The following CHST12 variants were observed in gnomAD, a reference collection of about 807,000 sequenced individuals.
CHST12 encodes carbohydrate (chondroitin 4) sulfotransferase 12.
In CHST12, 23 loss-of-function variants were observed where a neutral mutation model predicts 27.9. That is an observed-to-expected ratio of 0.82 (90% CI 0.59 to 1.17). CHST12 has a LOEUF of 1.17. CHST12 is among the 50% of genes most tolerant of loss of function. The probability of loss-of-function intolerance (pLI) is 0.00; values close to 1 mark genes in which losing one functional copy is unlikely to be tolerated. For missense variants in CHST12, 682 were observed against 603.0 expected, an observed-to-expected ratio of 1.13 and a Z score of -1.37; for synonymous variants, 322 against 273.0, an observed-to-expected ratio of 1.18 and a Z score of -1.77.
chr7:2,434,247 TGAA>T lies in CHST12; in HGVS notation c.*365_*367del, dbSNP rs1452660867. The T allele has an allele frequency of 2.6e-5, 5 of 190,860 alleles. No homozygotes were observed. Among genetic ancestry groups the T allele is most frequent in the African/African-American group, 1.2e-4 (5 of 42,130 alleles). 11.8% of individuals were successfully genotyped at this position (190,860 alleles called of 1,614,324 possible). ...ACCGGAGGAGGGCGGGGCCTGCACT[TGAA>T]GTCAGGCCGCACCTGTCTGTTTTTG... is the stretch of plus-strand genomic sequence containing the variant. On this transcript the variant is annotated 3_prime_UTR_variant, in exon 2 of 2. Coordinates refer to ENST00000618655, the MANE Select transcript of CHST12 (RefSeq NM_018641.5).
In CHST12 at chr7:2,437,515, G is replaced by C. The variant is rs957492476; in HGVS notation, c.*3631G>C. 1 of 152,196 alleles carries C rather than the reference G, an allele frequency of 6.6e-6. No homozygotes were observed. Among genetic ancestry groups the C allele is most frequent in the African/African-American group, 2.4e-5 (1 of 41,432 alleles). The allele number at this position is 152,196 out of a possible 1,614,324, so 9.4% of individuals were successfully genotyped here. A position where few individuals can be genotyped will look rare whatever the true frequency, so the allele number is the denominator to read the frequency against. The stretch of plus-strand genomic sequence containing the variant: ...TACAACCCCCAGTGGATATTTAGTG[G>C]AGTTTGCTGTAGTGCTTTTGCCATT... On this transcript the variant is annotated 3_prime_UTR_variant, in exon 2 of 2. Coordinates refer to ENST00000618655, the MANE Select transcript of CHST12 (RefSeq NM_018641.5).
rs199654852 is a variant in CHST12, at chr7:2,434,104, GCCCGCCCA to G, written c.*228_*235del. 5,226 of 393,606 alleles carry G rather than the reference GCCCGCCCA, an allele frequency of 0.013. 184 individuals are homozygous for G. The highest frequency in any genetic ancestry group is 0.088 in the African/African-American group (3,954 of 45,126). The allele number at this position is 393,606 out of a possible 1,614,324, so 24.4% of individuals were successfully genotyped here. A position where few individuals can be genotyped will look rare whatever the true frequency, so the allele number is the denominator to read the frequency against. On this transcript the variant is annotated 3_prime_UTR_variant, in exon 2 of 2. Transcript: ENST00000618655. ...GAGTAAAATATCCCCTCTCCCCTCC[GCCCGCCCA>G]CCCGCCCGCCCGCTCGCCCGCTCGC...
At chr7:2,417,609 C>T (rs1259925434) in intron 1 of CHST12, among the ~76,000 whole-genome samples, 7 of 152,072 alleles carry the variant, frequency 4.6e-5, no homozygotes, top group African/African-American at 9.7e-5. Context: ...AGGCTAGTCT[C>T]GAACTCCTGA....
In CHST12 at chr7:2,432,942, G is replaced by C. The variant is rs750173383; in HGVS notation, c.303G>C (p.Val101=). Residue 101 remains valine (V), a synonymous_variant, in exon 2 of 2, where the codon GTG becomes GTC. Transcript: ENST00000618655. ...CGCCGGGGAGCATGGAGGAGAGCGT[G>C]AGAGGCTACGACTGGTCCCCGCGCG... ...PPAPGSMEES[V]RGYDWSPRDA... is the part of the protein sequence containing the mutation. 1 of 1,612,208 alleles carries C rather than the reference G, an allele frequency of 6.2e-7. No individual in the cohort carries two copies. Among genetic ancestry groups the C allele is most frequent in the African/African-American group, 1.3e-5 (1 of 75,032 alleles).
Position 2,440,736 on chromosome 7 carries a change from G to A in CHST12, c.*6852G>A, listed in dbSNP as rs1032498323. On this transcript the variant is annotated 3_prime_UTR_variant, in exon 2 of 2. Coordinates refer to ENST00000618655, the MANE Select transcript of CHST12 (RefSeq NM_018641.5). Reference sequence around the variant, plus strand: ...AGAAACTGCCAAGAAGAATGCCGCCGCTCAGGTTTATCTGGTAGAATAAGC... The same window carrying A: ...AGAAACTGCCAAGAAGAATGCCGCCACTCAGGTTTATCTGGTAGAATAAGC... 5 of 152,146 alleles carry A rather than the reference G, an allele frequency of 3.3e-5. No homozygotes were observed. The East Asian group carries it at 5.8e-4, about 18-fold the overall frequency. The allele number at this position is 152,146 out of a possible 1,614,324, so 9.4% of individuals were successfully genotyped here.
Position 2,434,061 on chromosome 7 carries a change from A to C in CHST12, c.*177A>C. On this transcript the variant is annotated 3_prime_UTR_variant, in exon 2 of 2. Coordinates refer to ENST00000618655, the MANE Select transcript of CHST12 (RefSeq NM_018641.5). ...ATATATTTCAGGTATTTAATACGAA[A>C]TGTGGAAGGGAATGCTGGAGTAAAA... The C allele has an allele frequency of 1.2e-5, 6 of 508,618 alleles. No individual in the cohort carries two copies. Among genetic ancestry groups the C allele is most frequent in the Middle Eastern group, 5.6e-4 (1 of 1,782 alleles). The allele number at this position is 508,618 out of a possible 1,614,324, so 31.5% of individuals were successfully genotyped here. A position where few individuals can be genotyped will look rare whatever the true frequency, so the allele number is the denominator to read the frequency against.
chr7:2,406,050 T>TCA, intron 1 of CHST12, among the ~76,000 whole-genome samples: 1 of 152,186 alleles, frequency 6.6e-6, no homozygotes, highest in East Asian at 1.9e-4. Flanking sequence ...GAAGGAGCCA[T>TCA]CAGTGGGAAA....
rs930913863 is a variant in CHST12, at chr7:2,435,319, C to G, written c.*1435C>G. 1.3e-5 allele frequency: 2 copies of G among 152,184 alleles called. No individual in the cohort carries two copies. The highest frequency in any genetic ancestry group is 2.9e-5 in the Non-Finnish European group (2 of 68,094). 9.4% of individuals were successfully genotyped at this position (152,184 alleles called of 1,614,324 possible). A position where few individuals can be genotyped will look rare whatever the true frequency, so the allele number is the denominator to read the frequency against. Reference sequence around the variant, plus strand: ...AGGAGTGGAGTGGTTTGGCGTTTATCTCTAGACCGTGCTGGATGACAGTAC... The same window carrying G: ...AGGAGTGGAGTGGTTTGGCGTTTATGTCTAGACCGTGCTGGATGACAGTAC... On this transcript the variant is annotated 3_prime_UTR_variant, in exon 2 of 2. Transcript: ENST00000618655.
chr7:2,432,457 C>G, intron 1 of CHST12, 106 bp from the exon 2 acceptor site: 1 of 682,622 alleles, frequency 1.5e-6, no homozygotes, highest in Non-Finnish European at 2.4e-6. Context: ...TATCACGTGG[C>G]CCAGCGCTCC....
chr7:2,441,378 C>T lies in CHST12; in HGVS notation c.*7494C>T, dbSNP rs956453837. 6.6e-6 allele frequency: 1 copy of T among 152,130 alleles called. No homozygotes were observed. Among genetic ancestry groups the T allele is most frequent in the East Asian group, 1.9e-4 (1 of 5,198 alleles). 9.4% of individuals were successfully genotyped at this position (152,130 alleles called of 1,614,324 possible). On this transcript the variant is annotated 3_prime_UTR_variant, in exon 2 of 2. Coordinates refer to ENST00000618655, the MANE Select transcript of CHST12 (RefSeq NM_018641.5). Reference sequence around the variant, plus strand: ...GGAATAGGAACCTTAAAAATGCTTTCTTCACTCGTTTAAATAGTAATGATA... The same window carrying T: ...GGAATAGGAACCTTAAAAATGCTTTTTTCACTCGTTTAAATAGTAATGATA...
At chr7:2,417,588 C>T (rs532887928) in intron 1 of CHST12, among the ~76,000 whole-genome samples, 36 of 152,176 alleles carry the variant, frequency 2.4e-4, no homozygotes, top group African/African-American at 8.2e-4. Flanking sequence ...CAGGGTTTTA[C>T]CATGTTGGCC....
At chr7:2,423,651 A>G (rs1391466411) in intron 1 of CHST12, among the ~76,000 whole-genome samples, 1 of 152,194 alleles carries the variant, frequency 6.6e-6, no homozygotes, top group Non-Finnish European at 1.5e-5. Flanking sequence ...GGGTCCAGGA[A>G]GCACTGAGTG....
At chr7:2,411,952 G>T (rs1162452432) in intron 1 of CHST12, among the ~76,000 whole-genome samples, 2 of 152,218 alleles carry the variant, frequency 1.3e-5, no homozygotes, top group Non-Finnish European at 2.9e-5. Flanking sequence ...TATTGGACTG[G>T]TATACGTGCG....
chr7:2,429,329 G>T (rs1782212851), intron 1 of CHST12, among the ~76,000 whole-genome samples: 1 of 152,148 alleles, frequency 6.6e-6, no homozygotes, highest in Admixed American at 6.5e-5. Flanking sequence ...TCCTGCCTCA[G>T]CCTACCAAAG....
chr7:2,415,629 TTTTGAGGCAGAGTCG>T (rs1356232982), intron 1 of CHST12, among the ~76,000 whole-genome samples: 1 of 151,462 alleles, frequency 6.6e-6, no homozygotes, highest in Non-Finnish European at 1.5e-5. Flanking sequence ...TTTTTTTTTT[TTTTGAGGCAGAGTCG>T]CTCTGTCGCC....
intron 1 of CHST12, among the ~76,000 whole-genome samples, chr7:2,424,228 C>A (rs1204527818): frequency 6.6e-6 from 1 of 151,906 alleles, no homozygotes; most frequent in Non-Finnish European, 1.5e-5. Context: ...TGGTGGTGTG[C>A]ACCCATGGCC....
intron 1 of CHST12, among the ~76,000 whole-genome samples, chr7:2,406,409 ACGGGG>A: frequency 1.8e-5 from 2 of 109,600 alleles, no homozygotes; most frequent in Non-Finnish European, 1.8e-5. Context: ...ACAGTTGAGT[ACGGGG>A]TGGGGGAACA....
rs1172877354 is a variant in CHST12 at position 2,442,402 on chromosome 7, C to G, written c.*8518C>G. 1 of 152,328 alleles carries G rather than the reference C, an allele frequency of 6.6e-6. No homozygotes were observed. The allele number at this position is 152,328 out of a possible 1,614,324, so 9.4% of individuals were successfully genotyped here. ...CTTTTGAGACGGAGTCTCGCTCTGTCTCCCAGGCTGGAGTGCGGTGGCACC... is the reference window on the plus strand; with the variant it reads ...CTTTTGAGACGGAGTCTCGCTCTGTGTCCCAGGCTGGAGTGCGGTGGCACC... On this transcript the variant is annotated 3_prime_UTR_variant, in exon 2 of 2. Coordinates refer to ENST00000618655, the MANE Select transcript of CHST12 (RefSeq NM_018641.5).
In CHST12 at chr7:2,441,880, G is replaced by C. The variant is rs2115463040; in HGVS notation, c.*7996G>C. ...TCAGTTCTTTTAAAAGTTGTGGTAA[G>C]ATACATGCAACATAAAATGTGCCCT... On this transcript the variant is annotated 3_prime_UTR_variant, in exon 2 of 2. Transcript: ENST00000618655. The C allele has an allele frequency of 6.6e-6, 1 of 152,192 alleles. No homozygotes were observed. The highest frequency in any genetic ancestry group is 1.9e-4 in the East Asian group (1 of 5,180). The allele number at this position is 152,192 out of a possible 1,614,324, so 9.4% of individuals were successfully genotyped here.
Sources: gnomAD v4.1 joint callset for allele counts (sites outside exome capture counted in the v4.1 genomes callset) on GRCh38, gnomAD v4.1.1 for gene constraint, MANE v1.5 for transcripts, NCBI Gene and HGNC (gene_info 2026-07-23, HGNC 2026-07-21) for gene names.